ROBO2: variants seen among roughly 807,000 people sequenced by gnomAD.
ROBO2 encodes roundabout guidance receptor 2.
A neutral mutation model predicts 160.8 loss-of-function variants in ROBO2; 53 were observed. The observed-to-expected ratio is 0.33, with a 90% CI of 0.26 to 0.41. The LOEUF (loss-of-function observed/expected upper bound fraction) is 0.41. Ranked by LOEUF, ROBO2 falls within the 10% of genes least tolerant of loss-of-function variation. ROBO2 has a pLI of 1.00. For synonymous variants in ROBO2, 664 were observed against 611.7 expected (o/e 1.09, Z -1.26); for missense variants, 1,577 against 1,722.4 (o/e 0.92, Z 1.49).
chr3:76,610,086 G>A (rs1411480201), intron 2 of ROBO2, among the ~76,000 whole-genome samples: 2 of 152,096 alleles, frequency 1.3e-5, no homozygotes, highest in South Asian at 2.1e-4. Context: ...ATTTTTTAAC[G>A]TGTTGTTAAA....
intron 2 of ROBO2, among the ~76,000 whole-genome samples, chr3:77,159,600 T>C (rs1293447200): frequency 1.3e-5 from 2 of 152,082 alleles, no homozygotes; most frequent in Admixed American, 1.3e-4. Context: ...GTCTGAAAAA[T>C]AAAAATAAAA....
intron 2 of ROBO2, among the ~76,000 whole-genome samples, chr3:76,863,101 T>C (rs2070976876): frequency 6.6e-6 from 1 of 152,144 alleles, no homozygotes. Context: ...AAAATTGCCC[T>C]CTGCAATACA....
At chr3:77,519,935 A>G (rs1443193520) in intron 5 of ROBO2, among the ~76,000 whole-genome samples, 2 of 151,472 alleles carry the variant, frequency 1.3e-5, no homozygotes, top group Non-Finnish European at 3.0e-5. Context: ...CAGCATCATC[A>G]GCGTGTGTTA....
chr3:77,245,483 A>C lies in ROBO2; in HGVS notation c.388+147143A>C, dbSNP rs543140640. 8.5e-5 allele frequency among the ~76,000 whole-genome samples: 13 copies of C among 152,334 alleles called. No homozygotes were observed. In the South Asian group the frequency reaches 2.7e-3, roughly 32 times the overall value. On this transcript the variant is annotated intron_variant, in intron 2 of 25. Coordinates refer to ENST00000461745, the Ensembl canonical transcript of ROBO2. ...TCATTCTCATGATAGATTCTGGTAC[A>C]GTGCCACATATCTCCAGAATTGGGT...
At chr3:77,265,165 A>G (rs536407439) in intron 2 of ROBO2, among the ~76,000 whole-genome samples, 1 of 152,280 alleles carries the variant, frequency 6.6e-6, no homozygotes, top group African/African-American at 2.4e-5. Flanking sequence ...CCTATGACAT[A>G]AAAGAAGGGC....
chr3:77,511,677 T>C (rs986345176), intron 5 of ROBO2, among the ~76,000 whole-genome samples: 3 of 151,828 alleles, frequency 2.0e-5, no homozygotes, highest in Non-Finnish European at 4.4e-5. Context: ...TAAGCAATGG[T>C]AGAATATGGG....
chr3:77,630,812 G>C (rs749745789), intron 23 of ROBO2: 3 of 151,884 alleles, frequency 2.0e-5, no homozygotes, highest in Non-Finnish European at 2.9e-5. Context: ...GTAAGAGCAG[G>C]TATTTAGAAA....
chr3:77,253,287 T>C (rs2090582912), intron 2 of ROBO2, among the ~76,000 whole-genome samples: 1 of 152,186 alleles, frequency 6.6e-6, no homozygotes, highest in Admixed American at 6.5e-5. Context: ...CTGTAAAAGT[T>C]CAAGGAAGCC....
chr3:76,857,978 CT>C (rs1013254394), intron 2 of ROBO2, among the ~76,000 whole-genome samples: 1 of 152,130 alleles, frequency 6.6e-6, no homozygotes, highest in Admixed American at 6.5e-5. Flanking sequence ...ATTCCTGTCT[CT>C]CCCAGTTAAC....
At chr3:77,375,481 T>G (rs2072503362) in intron 2 of ROBO2, among the ~76,000 whole-genome samples, 1 of 152,214 alleles carries the variant, frequency 6.6e-6, no homozygotes, top group Non-Finnish European at 1.5e-5. Flanking sequence ...TTGATTTCCT[T>G]TAAATTCTTC....
At chr3:75,992,889 C>A (rs962554956) in intron 2 of ROBO2, among the ~76,000 whole-genome samples, 1 of 152,216 alleles carries the variant, frequency 6.6e-6, no homozygotes, top group African/African-American at 2.4e-5. Flanking sequence ...GTTTTAACTG[C>A]CCTGCTGGAT....
intron 2 of ROBO2, among the ~76,000 whole-genome samples, chr3:76,256,344 TCTCTCTC>T (rs1308613623): frequency 2.8e-3 from 225 of 81,066 alleles, no homozygotes; most frequent in South Asian, 0.024. Context: ...TCTCTCTCTC[TCTCTCTC>T]TCACATACAC....
chr3:76,539,766 T>G (rs954883025), intron 2 of ROBO2, among the ~76,000 whole-genome samples: 1 of 152,224 alleles, frequency 6.6e-6, no homozygotes, highest in African/African-American at 2.4e-5. Flanking sequence ...GCATTAAAAC[T>G]TAACCCACAA....
intron 2 of ROBO2, among the ~76,000 whole-genome samples, chr3:77,373,054 A>C (rs1209585663): frequency 6.8e-6 from 1 of 147,836 alleles, no homozygotes; most frequent in African/African-American, 2.4e-5. Flanking sequence ...TAATAAAATA[A>C]ATTTTATAAT....
chr3:77,629,887 A>G (rs2095121153), intron 23 of ROBO2: 1 of 152,220 alleles, frequency 6.6e-6, no homozygotes, highest in Non-Finnish European at 1.5e-5. Context: ...GACAATAAAT[A>G]TGAAAATAAA....
chr3:77,215,726 CT>C (rs998367531), intron 2 of ROBO2, among the ~76,000 whole-genome samples: 2 of 152,094 alleles, frequency 1.3e-5, no homozygotes, highest in Non-Finnish European at 2.9e-5. Flanking sequence ...TACCATTGGT[CT>C]TTGATGATGG....
At chr3:77,225,290 T>C (rs2086341387) in intron 2 of ROBO2, among the ~76,000 whole-genome samples, 1 of 151,916 alleles carries the variant, frequency 6.6e-6, no homozygotes, top group Non-Finnish European at 1.5e-5. Flanking sequence ...GTTGTTTCAT[T>C]GTACTGAAAG....
At chr3:77,625,100 A>G (rs954111908) in intron 23 of ROBO2, among the ~76,000 whole-genome samples, 1 of 152,188 alleles carries the variant, frequency 6.6e-6, no homozygotes, top group East Asian at 1.9e-4. Context: ...TTTTATAACA[A>G]CTAATTTGTG....
chr3:77,345,737 A>T (rs2153454417), intron 2 of ROBO2, among the ~76,000 whole-genome samples: 1 of 152,268 alleles, frequency 6.6e-6, no homozygotes, highest in South Asian at 2.1e-4. Context: ...CAAAAGGTGA[A>T]AATATATGCC....
Sources: gnomAD v4.1 joint callset for allele counts (sites outside exome capture counted in the v4.1 genomes callset) on GRCh38, gnomAD v4.1.1 for gene constraint, MANE v1.5 for transcripts, NCBI Gene and HGNC (gene_info 2026-07-23, HGNC 2026-07-21) for gene names.